Variants in CDH4 observed in about 807,000 individuals in gnomAD.
The protein encoded by CDH4 is cadherin 4, also known as cadherin-4.
CDH4 carries 33 observed loss-of-function variants against 86.0 expected under a neutral mutation model. The ratio of observed to expected loss-of-function variants is 0.38; its 90% CI spans 0.29 to 0.51. The LOEUF (loss-of-function observed/expected upper bound fraction) is 0.51, where lower values mean the gene tolerates loss of function less well. Among genes scored for constraint, CDH4 ranks in the 20% least tolerant of loss-of-function variants. The pLI, the probability that CDH4 is intolerant of heterozygous loss-of-function variation, is 0.86. For missense variants in CDH4, 1,114 were observed against 1,307.4 expected, an observed-to-expected ratio of 0.85 and a Z score of 2.28; for synonymous variants, 555 against 549.4, an observed-to-expected ratio of 1.01 and a Z score of -0.14.
At chr20:61,280,835 C>T (rs549240424) in intron 2 of CDH4, among the ~76,000 whole-genome samples, 1 of 149,276 alleles carries the variant, frequency 6.7e-6, no homozygotes, top group Admixed American at 6.6e-5. Context: ...TCCCTAACAG[C>T]TCTCACCTCG....
At chr20:61,531,188 C>G (rs1445638101) in intron 2 of CDH4, among the ~76,000 whole-genome samples, 1 of 152,134 alleles carries the variant, frequency 6.6e-6, no homozygotes, top group Non-Finnish European at 1.5e-5. Flanking sequence ...ATGGGTATAG[C>G]AGGCCAGGCA....
chr20:61,917,981 A>G (rs1368594366), intron 9 of CDH4, among the ~76,000 whole-genome samples: 1 of 152,216 alleles, frequency 6.6e-6, no homozygotes, highest in Non-Finnish European at 1.5e-5. Context: ...TGGGAGAAAG[A>G]CCACTTCCCT....
chr20:61,351,876 C>T (rs1356533298), intron 2 of CDH4, among the ~76,000 whole-genome samples: 2 of 152,102 alleles, frequency 1.3e-5, no homozygotes, highest in Non-Finnish European at 2.9e-5. Flanking sequence ...GCCACCATAC[C>T]AGGCTAATTT....
intron 2 of CDH4, among the ~76,000 whole-genome samples, chr20:61,396,995 C>T (rs1157718931): frequency 2.6e-5 from 4 of 152,190 alleles, no homozygotes; most frequent in Admixed American, 6.5e-5. Flanking sequence ...ACTGCAGCTT[C>T]GACTTCCCAG....
At chr20:61,629,835 G>T (rs1280433723) in intron 2 of CDH4, among the ~76,000 whole-genome samples, 1 of 152,324 alleles carries the variant, frequency 6.6e-6, no homozygotes, top group East Asian at 1.9e-4. Flanking sequence ...GTCCGATGCG[G>T]CGCCTTCCTT....
intron 2 of CDH4, among the ~76,000 whole-genome samples, chr20:61,361,842 C>T (rs1806709399): frequency 6.6e-6 from 1 of 152,234 alleles, no homozygotes; most frequent in South Asian, 2.1e-4. Context: ...CAGCCCAGCA[C>T]ATAGCTTTCT....
At chr20:61,399,968 G>A (rs887678973) in intron 2 of CDH4, among the ~76,000 whole-genome samples, 2 of 152,224 alleles carry the variant, frequency 1.3e-5, no homozygotes, top group Non-Finnish European at 1.5e-5. Context: ...AGTGGTAGGG[G>A]GAATAGCTGG....
At chr20:61,618,221 C>T (rs182075226) in intron 2 of CDH4, among the ~76,000 whole-genome samples, 61 of 152,156 alleles carry the variant, frequency 4.0e-4, no homozygotes, top group African/African-American at 1.2e-3. Context: ...TCTTGTTTTC[C>T]GGAGCCAGTT....
intron 2 of CDH4, among the ~76,000 whole-genome samples, chr20:61,261,460 A>G (rs2084127251): frequency 1.3e-5 from 2 of 152,356 alleles, no homozygotes; most frequent in Non-Finnish European, 2.9e-5. Flanking sequence ...TAATATAATA[A>G]CATTATGTTC....
rs577604315 is a variant in CDH4, at chr20:61,480,379, C to T, written c.169+225442C>T. Among the ~76,000 whole-genome samples the T allele has an allele frequency of 2.0e-5, 3 of 152,338 alleles. No individual in the cohort carries two copies. Among genetic ancestry groups the T allele is most frequent in the African/African-American group, 7.2e-5 (3 of 41,574 alleles). On this transcript the variant is annotated intron_variant, in intron 2 of 15. Coordinates refer to ENST00000614565, the MANE Select transcript of CDH4 (RefSeq NM_001794.5). This position sits in a 1 kb window ranked among gnomAD's most constrained non-coding sequence, Gnocchi z 5.2. ...TGTCTGTCTATTTTGTTTGGGTTTCCCGTTGTTCCAAGGTGGGTGGTGGAT... is the reference window on the plus strand; with the variant it reads ...TGTCTGTCTATTTTGTTTGGGTTTCTCGTTGTTCCAAGGTGGGTGGTGGAT...
intron 2 of CDH4, among the ~76,000 whole-genome samples, chr20:61,431,919 T>G (rs1456698126): frequency 6.6e-6 from 1 of 152,186 alleles, no homozygotes; most frequent in Non-Finnish European, 1.5e-5. Context: ...GCCGGCTTCT[T>G]GCACCGATAC....
intron 15 of CDH4, among the ~76,000 whole-genome samples, chr20:61,935,095 G>A (rs376410533): frequency 1.1e-4 from 16 of 152,218 alleles, no homozygotes; most frequent in African/African-American, 3.6e-4. Context: ...GACTGGCCTC[G>A]CCTGTGGCTC....
chr20:61,371,216 G>A (rs1002771607), intron 2 of CDH4, among the ~76,000 whole-genome samples: 23 of 152,270 alleles, frequency 1.5e-4, no homozygotes, highest in South Asian at 6.2e-4. Context: ...CAGTGCTGGC[G>A]GTGATGGGGC....
intron 2 of CDH4, among the ~76,000 whole-genome samples, chr20:61,403,894 G>A (rs2085064341): frequency 6.6e-6 from 1 of 152,194 alleles, no homozygotes; most frequent in South Asian, 2.1e-4. Context: ...GCAGGACGCT[G>A]TGTTTCAGGA....
chr20:61,565,194 T>TGGTGGTGGTGGC (rs1568688321), intron 2 of CDH4, among the ~76,000 whole-genome samples: 1 of 52,224 alleles, frequency 1.9e-5, no homozygotes, highest in Non-Finnish European at 3.8e-5. Context: ...GTGGTCCTCT[T>TGGTGGTGGTGGC]GGTGGTGGTC....
intron 2 of CDH4, among the ~76,000 whole-genome samples, chr20:61,330,181 A>G (rs934184505): frequency 6.6e-6 from 1 of 152,132 alleles, no homozygotes; most frequent in Non-Finnish European, 1.5e-5. Flanking sequence ...AGAATGATTT[A>G]TATTCCTTTG....
intron 5 of CDH4, among the ~76,000 whole-genome samples, chr20:61,848,335 CAG>C (rs35914448): frequency 0.049 from 7,413 of 152,346 alleles, 273 homozygotes; most frequent in Non-Finnish European, 0.077. Flanking sequence ...TGCCAGTGCG[CAG>C]ACACTTTTGC....
Position 61,277,053 on chromosome 20 carries a change from C to G in CDH4, c.169+22116C>G, listed in dbSNP as rs576494987. On this transcript the variant is annotated intron_variant, in intron 2 of 15. Transcript: ENST00000614565. Reference sequence around the variant, plus strand: ...CTTTTTCCCTGTCACACGCCCACCCCCTTCTAGGCACCAGCACTGGTCTGC... The same window carrying G: ...CTTTTTCCCTGTCACACGCCCACCCGCTTCTAGGCACCAGCACTGGTCTGC... Among the ~76,000 whole-genome samples, 10 of 152,332 alleles carry G rather than the reference C, an allele frequency of 6.6e-5. No individual in the cohort carries two copies. In the South Asian group the frequency reaches 1.9e-3, roughly 28 times the overall value.
chr20:61,387,580 A>G (rs908980230), intron 2 of CDH4, among the ~76,000 whole-genome samples: 9 of 152,194 alleles, frequency 5.9e-5, no homozygotes, highest in Admixed American at 3.9e-4. Flanking sequence ...AGAGACATAG[A>G]CACACGCACA....
Sources: allele counts gnomAD v4.1 joint callset (sites outside exome capture counted in the v4.1 genomes callset), GRCh38; gene constraint gnomAD v4.1.1; non-coding constraint Gnocchi (gnomAD v3.1); transcripts MANE v1.5; gene names NCBI Gene and HGNC (gene_info 2026-07-23, HGNC 2026-07-21).